The following ELAVL4 variants were observed in gnomAD, a reference collection of about 807,000 sequenced individuals.
ELAVL4 encodes the protein ELAV like RNA binding protein 4.
In ELAVL4, 1 loss-of-function variant was observed where a neutral mutation model predicts 35.6. The ratio of observed to expected loss-of-function variants is 0.03; its 90% CI spans 0.01 to 0.13. The LOEUF is 0.13. Ranked by LOEUF, ELAVL4 falls within the 10% of genes least tolerant of loss-of-function variation. The probability of loss-of-function intolerance (pLI) is 1.00; values close to 1 mark genes in which losing one functional copy is unlikely to be tolerated. For missense variants in ELAVL4, 267 were observed against 464.9 expected (o/e 0.57, Z 3.91); for synonymous variants, 156 against 171.0 (o/e 0.91, Z 0.69).
At chr1:50,080,670 C>T (rs563791738) in intron 1 of ELAVL4, among the ~76,000 whole-genome samples, 16 of 152,276 alleles carry the variant, frequency 1.1e-4, no homozygotes, top group African/African-American at 3.8e-4. Context: ...TGTCTTTGGG[C>T]ATGTCGTTTC....
chr1:50,154,603 A>G (rs1309031009), intron 2 of ELAVL4, among the ~76,000 whole-genome samples: 1 of 152,196 alleles, frequency 6.6e-6, no homozygotes, highest in Non-Finnish European at 1.5e-5. Context: ...ATATACACTT[A>G]GCAATCCCTG....
chr1:50,070,530 C>T (rs1572125833), intron 1 of ELAVL4, among the ~76,000 whole-genome samples: 1 of 152,140 alleles, frequency 6.6e-6, no homozygotes, highest in Non-Finnish European at 1.5e-5. Context: ...ATCATGAGGT[C>T]AGGAGTTCGA....
intron 1 of ELAVL4, among the ~76,000 whole-genome samples, chr1:50,073,487 A>G (rs1664624031): frequency 6.6e-6 from 1 of 152,128 alleles, no homozygotes; most frequent in Admixed American, 6.5e-5. Flanking sequence ...TGGAATAAAT[A>G]TTATCACTAG....
chr1:50,108,769 A>G (rs961892072), upstream of ELAVL4, among the ~76,000 whole-genome samples: 2 of 152,172 alleles, frequency 1.3e-5, no homozygotes, highest in Non-Finnish European at 2.9e-5. Context: ...GTTGTTGTAG[A>G]GGTCACCAAA....
chr1:50,157,975 C>T (rs967153518), intron 2 of ELAVL4, among the ~76,000 whole-genome samples: 27 of 152,274 alleles, frequency 1.8e-4, no homozygotes, highest in South Asian at 6.2e-4. Flanking sequence ...TAATCCAGCA[C>T]GGTGCTAGAC....
chr1:50,182,670 G>C (rs980035215), intron 3 of ELAVL4, among the ~76,000 whole-genome samples: 2 of 152,174 alleles, frequency 1.3e-5, no homozygotes, highest in African/African-American at 4.8e-5. Context: ...ACCAGAGCTT[G>C]CAGGCTGCTG....
intron 1 of ELAVL4, chr1:50,048,311 G>C: frequency 1.6e-6 from 2 of 1,215,606 alleles, no homozygotes; most frequent in Non-Finnish European, 2.2e-6. Context: ...CTCCCAGGGA[G>C]GGGGAGAGGG....
intron 1 of ELAVL4, among the ~76,000 whole-genome samples, chr1:50,069,325 A>G (rs1433939787): frequency 6.6e-6 from 1 of 152,070 alleles, no homozygotes; most frequent in Non-Finnish European, 1.5e-5. Context: ...TACCTATAGC[A>G]TTTGTATACT....
intron 3 of ELAVL4, among the ~76,000 whole-genome samples, chr1:50,183,030 G>A (rs1681287257): frequency 6.6e-6 from 1 of 151,878 alleles, no homozygotes. Context: ...GCTGATTTTT[G>A]TATTTTTAGT....
intron 1 of ELAVL4, among the ~76,000 whole-genome samples, chr1:50,087,650 T>G (rs1207512191): frequency 6.6e-6 from 1 of 152,194 alleles, no homozygotes; most frequent in Non-Finnish European, 1.5e-5. Flanking sequence ...GTGACTGTAT[T>G]TGGACATAAG....
chr1:50,058,847 A>G (rs2148475077), intron 1 of ELAVL4, among the ~76,000 whole-genome samples: 1 of 151,998 alleles, frequency 6.6e-6, no homozygotes, highest in South Asian at 2.1e-4. Context: ...CAAGCAATCC[A>G]TCCCCCTGAG....
intron 1 of ELAVL4, among the ~76,000 whole-genome samples, chr1:50,092,374 A>T (rs1665534214): frequency 6.6e-6 from 1 of 152,176 alleles, no homozygotes; most frequent in Non-Finnish European, 1.5e-5. Context: ...AAAGGCATAA[A>T]ATGTGGCCTA....
chr1:50,142,053 C>A (rs1340395975), intron 1 of ELAVL4, among the ~76,000 whole-genome samples: 1 of 152,214 alleles, frequency 6.6e-6, no homozygotes, highest in Non-Finnish European at 1.5e-5. Flanking sequence ...GTATTTTAGA[C>A]ATTTAATGTA....
At chr1:50,192,523 A>ACACACG (rs1373161872) in intron 3 of ELAVL4, among the ~76,000 whole-genome samples, 2 of 105,842 alleles carry the variant, frequency 1.9e-5, no homozygotes, top group Non-Finnish European at 3.5e-5. Context: ...GTGCACGCAC[A>ACACACG]CACACACACA....
At chr1:50,137,431 C>T (rs951620571) in intron 1 of ELAVL4, among the ~76,000 whole-genome samples, 2 of 151,414 alleles carry the variant, frequency 1.3e-5, no homozygotes, top group African/African-American at 4.9e-5. Flanking sequence ...ATTAACTACT[C>T]AGGAGGTTGA....
intron 1 of ELAVL4, among the ~76,000 whole-genome samples, chr1:50,079,087 T>A (rs1251114435): frequency 1.3e-5 from 2 of 152,126 alleles, no homozygotes; most frequent in Non-Finnish European, 2.9e-5. Flanking sequence ...AACTTTTAAT[T>A]TGTAATTATT....
exon 1 of ELAVL4, chr1:50,048,170 C>T (rs1275873575): frequency 7.2e-6 from 11 of 1,522,816 alleles, no homozygotes; most frequent in Non-Finnish European, 9.7e-6. Context: ...GGAAGATGCG[C>T]CTCAAGAACC....
chr1:50,062,162 A>G (rs1486128098), intron 1 of ELAVL4, among the ~76,000 whole-genome samples: 1 of 152,174 alleles, frequency 6.6e-6, no homozygotes, highest in Non-Finnish European at 1.5e-5. Context: ...GGATGCTAGA[A>G]GTATATAGAT....
intron 1 of ELAVL4, among the ~76,000 whole-genome samples, chr1:50,076,724 C>A (rs4375316): frequency 6.6e-6 from 1 of 152,108 alleles, no homozygotes; most frequent in Non-Finnish European, 1.5e-5. Context: ...AAGCTGTGTT[C>A]TGTAAGGCCA....
Sources: gnomAD v4.1 joint callset for allele counts (sites outside exome capture counted in the v4.1 genomes callset) on GRCh38, gnomAD v4.1.1 for gene constraint, MANE v1.5 for transcripts, NCBI Gene and HGNC (gene_info 2026-07-23, HGNC 2026-07-21) for gene names.